The following RPS9 variants were observed in gnomAD, a reference collection of about 807,000 sequenced individuals.
RPS9 encodes the protein ribosomal protein S9.
RPS9 carries 1 observed loss-of-function variant against 16.9 expected under a neutral mutation model. That is an observed-to-expected ratio of 0.06 (90% CI 0.02 to 0.28). RPS9 has a LOEUF of 0.28. RPS9 is among the 10% of genes least tolerant of loss of function. The pLI is 1.00. For synonymous variants in RPS9, 106 were observed against 110.9 expected (o/e 0.96, Z 0.28); for missense variants, 137 against 273.2 (o/e 0.50, Z 3.51).
intron 3 of RPS9, chr19:54,203,058 C>T (rs953829768): frequency 7.1e-6 from 7 of 985,194 alleles, no homozygotes; most frequent in Middle Eastern, 5.2e-4. Context: ...TGCTGGAGAT[C>T]CCTCCCCCAT....
intron 1 of RPS9, 67 bp from the exon 2 acceptor site, chr19:54,201,093 T>C: frequency 6.3e-7 from 1 of 1,584,778 alleles, no homozygotes; most frequent in Admixed American, 1.8e-5. Flanking sequence ...CGCGAGGTTT[T>C]GGCGTAGTTG....
At chr19:54,207,052 G>A (rs1395648215) in intron 4 of RPS9, 5 of 440,424 alleles carry the variant, frequency 1.1e-5, no homozygotes, top group Middle Eastern at 6.1e-4. Context: ...GCTGCTGCAC[G>A]TGGTAATACA....
intron 1 of RPS9, 117 bp downstream of exon 1, chr19:54,201,005 G>T (rs1403738909): frequency 1.4e-6 from 2 of 1,442,782 alleles, no homozygotes; most frequent in African/African-American, 1.4e-5. Flanking sequence ...GGTTGAACGG[G>T]AGTGCAGCAC....
At chr19:54,202,523 A>G (rs1447917906) in intron 3 of RPS9, 1 of 978,216 alleles carries the variant, frequency 1.0e-6, no homozygotes, top group Non-Finnish European at 1.2e-6. Flanking sequence ...GAGGGCATGC[A>G]GATCACATAG....
At chr19:54,205,575 G>T (rs17207321) in intron 3 of RPS9, among the ~76,000 whole-genome samples, 119,346 of 151,978 alleles carry the variant, frequency 0.79, 47,902 homozygotes, top group East Asian at 0.93. Flanking sequence ...CAGAAGAGCT[G>T]TCTGGGCTGA....
chr19:54,207,141 G>A (rs1426015280), intron 4 of RPS9: 19 of 516,142 alleles, frequency 3.7e-5, no homozygotes, highest in Non-Finnish European at 3.4e-6. Context: ...CATTTGCTTT[G>A]TGGTCTTAGG....
At chr19:54,203,105 C>T in intron 3 of RPS9, 1 of 984,180 alleles carries the variant, frequency 1.0e-6, no homozygotes, top group Non-Finnish European at 1.2e-6. Context: ...TCCCAGGGTT[C>T]TGTGGGGAGT....
chr19:54,201,776 G>C, intron 3 of RPS9, 167 bp downstream of exon 3: 2 of 1,386,044 alleles, frequency 1.4e-6, no homozygotes, highest in Non-Finnish European at 1.9e-6. Flanking sequence ...ATCTGGATCA[G>C]TCTTTGCCCT....
rs1178963652 is a variant in RPS9, at chr19:54,202,745, C to G, written c.220+1136C>G. ...CATGATTTATGGTGAAAAGCAGTCT[C>G]TACACCTGAGCCCTGACTGTTAGGC... is the stretch of plus-strand genomic sequence containing the variant. On this transcript the variant is annotated intron_variant, in intron 3 of 4. Transcript: ENST00000302907. 12 of 985,448 alleles carry G rather than the reference C, an allele frequency of 1.2e-5. No homozygotes were observed. In the East Asian group the frequency reaches 1.1e-3, roughly 93 times the overall value. 61.0% of individuals were successfully genotyped at this position (985,448 alleles called of 1,614,324 possible).
chr19:54,206,979 G>T (rs893902231), intron 4 of RPS9: 14 of 446,994 alleles, frequency 3.1e-5, no homozygotes, highest in Admixed American at 1.2e-4. Context: ...CGTAGGCAGA[G>T]CCTTGTGTGT....
Position 54,207,303 on chromosome 19 carries a change from G to C in RPS9, c.408-95G>C. On this transcript the variant is annotated intron_variant, in intron 4 of 4. Transcript: ENST00000302907. ...CGCCTTGGTGTCTGCAGCCGTGGCGGCCTCACGGGGTGGGTGGAGAGGAAA... is the reference window on the plus strand; with the variant it reads ...CGCCTTGGTGTCTGCAGCCGTGGCGCCCTCACGGGGTGGGTGGAGAGGAAA... 2.8e-6 allele frequency: 3 copies of C among 1,075,032 alleles called. No homozygotes were observed. The Admixed American group carries it at 6.8e-5, about 24-fold the overall frequency. 66.6% of individuals were successfully genotyped at this position (1,075,032 alleles called of 1,614,324 possible).
In RPS9 at chr19:54,201,229, C is replaced by G. The variant is rs372726440; in HGVS notation, c.45C>G (p.Thr15=). 8.1e-6 allele frequency: 13 copies of G among 1,611,892 alleles called. No homozygotes were observed. In the African/African-American group the frequency reaches 1.3e-4, roughly 17 times the overall value. ...GGGTTTGTCGCAAAACTTATGTGAC[C>G]CCGCGGAGACCCTTCGAGAAATCTC... The part of the protein sequence containing the change: ...RSWVCRKTYV[T]PRRPFEKSRL... The change falls in exon 2 of 5, where the codon ACC becomes ACG. Residue 15 remains threonine (T), a synonymous_variant. Transcript: ENST00000302907.
intron 4 of RPS9, 52 bp from the exon 5 acceptor site, chr19:54,207,346 G>T (rs2077278625): frequency 1.3e-6 from 2 of 1,484,274 alleles, no homozygotes; most frequent in Non-Finnish European, 1.9e-6. Flanking sequence ...GCGGTAGCTG[G>T]GGTTAGCGTC....
At chr19:54,204,119 C>G (rs2077159723) in intron 3 of RPS9, among the ~76,000 whole-genome samples, 1 of 152,146 alleles carries the variant, frequency 6.6e-6, no homozygotes, top group Admixed American at 6.5e-5. Context: ...GTGGCTCATG[C>G]CTGTAATCCC....
At position 54,200,891 on chromosome 19, in the gene RPS9, G is replaced by C; in HGVS notation, c.-26+3G>C. The C allele has an allele frequency of 8.8e-6, 8 of 910,230 alleles. No homozygotes were observed. The highest frequency in any genetic ancestry group is 5.4e-5 in the East Asian group (1 of 18,510). The allele number at this position is 910,230 out of a possible 1,614,324, so 56.4% of individuals were successfully genotyped here. A position where few individuals can be genotyped will look rare whatever the true frequency, so the allele number is the denominator to read the frequency against. On this transcript the variant is annotated splice_donor_region_variant and intron_variant, in intron 1 of 4. Transcript: ENST00000302907. ...CAGTGACCGGGTGGTTTGCTTAGGT[G>C]AGGTGCGGTGGTGTGCTTTTTCTCT...
At chr19:54,203,002 C>CA in intron 3 of RPS9, 1 of 983,010 alleles carries the variant, frequency 1.0e-6, no homozygotes. Flanking sequence ...CTGACCCTTT[C>CA]ATTCTTTTCG....
At chr19:54,206,972 A>C (rs1455712818) in intron 4 of RPS9, 2 of 451,384 alleles carry the variant, frequency 4.4e-6, no homozygotes, top group East Asian at 8.1e-5. Flanking sequence ...TGTGAGCCGT[A>C]GGCAGAGCCT....
At chr19:54,205,698 G>C (rs971721290) in intron 3 of RPS9, among the ~76,000 whole-genome samples, 2 of 152,116 alleles carry the variant, frequency 1.3e-5, no homozygotes, top group Admixed American at 1.3e-4. Context: ...CTTTACTCTT[G>C]CTAAGAATGT....
chr19:54,203,444 C>A (rs548946851), intron 3 of RPS9: 5 of 369,496 alleles, frequency 1.4e-5, no homozygotes, highest in Non-Finnish European at 1.9e-5. Context: ...ACTGAACAGC[C>A]GCCAACATTT....
Sources: gnomAD v4.1 joint callset for allele counts (sites outside exome capture counted in the v4.1 genomes callset) on GRCh38, gnomAD v4.1.1 for gene constraint, MANE v1.5 for transcripts, NCBI Gene and HGNC (gene_info 2026-07-23, HGNC 2026-07-21) for gene names.